COL5A2: variants seen among roughly 807,000 people sequenced by gnomAD.
COL5A2 encodes the protein collagen type V alpha 2 chain, also known as collagen alpha-2(V) chain.
In COL5A2, 23 loss-of-function variants were observed where a neutral mutation model predicts 208.2. The ratio of observed to expected loss-of-function variants is 0.11; its 90% confidence interval spans 0.08 to 0.16. The LOEUF is 0.16. Ranked by LOEUF, COL5A2 falls within the 10% of genes least tolerant of loss-of-function variation. The probability of loss-of-function intolerance (pLI) is 1.00; values close to 1 mark genes in which losing one functional copy is unlikely to be tolerated. For synonymous variants in COL5A2, 625 were observed against 628.5 expected, an observed-to-expected ratio of 0.99 and a Z score of 0.08; for missense variants, 1,590 against 1,956.4, an observed-to-expected ratio of 0.81 and a Z score of 3.53.
At chr2:189,161,098 G>A (rs894177474) in intron 1 of COL5A2, among the ~76,000 whole-genome samples, 2 of 151,028 alleles carry the variant, frequency 1.3e-5, no homozygotes, top group African/African-American at 2.4e-5. Context: ...GGGCTTACAG[G>A]TGTGGGCCAC....
In COL5A2 at chr2:189,050,605, A is replaced by T. The variant is rs1363278258; in HGVS notation, c.3003T>A (p.Arg1001=). 7 of 1,552,042 alleles carry T rather than the reference A, an allele frequency of 4.5e-6. No homozygotes were observed. The highest frequency in any genetic ancestry group is 6.1e-6 in the Non-Finnish European group (7 of 1,147,240). The change falls in exon 43 of 54, where the codon CGT becomes CGA. Residue 1001 remains arginine (R), a synonymous_variant. Transcript: ENST00000374866. ...QRGIVGMPGQ[R]GERGMPGLPG... ...GTAGGCCGGGCATGCCTCTCTCTCC[A>T]CGTTGCCCAGGCATGCCAACAATTC...
the COL5A2 span, among the ~76,000 whole-genome samples, chr2:189,232,320 C>T: frequency 2.4e-4 from 36 of 151,518 alleles, no homozygotes; most frequent in African/African-American, 7.3e-4. Context: ...GTGAAAATAA[C>T]GTAATAGGCC....
intron 5 of COL5A2, 168 bp from the exon 6 acceptor site, chr2:189,097,498 T>C (rs1686944387): frequency 6.8e-6 from 5 of 733,346 alleles, no homozygotes; most frequent in Admixed American, 6.1e-5. Flanking sequence ...TTCTGTACGC[T>C]TAGAAGCGTT....
At chr2:189,279,018 G>T in the COL5A2 span, among the ~76,000 whole-genome samples, 1 of 151,726 alleles carries the variant, frequency 6.6e-6, no homozygotes, top group Admixed American at 6.6e-5. Flanking sequence ...TGTTTAATTT[G>T]CTCTTCCTCT....
At chr2:189,068,316 T>C in intron 19 of COL5A2, 46 bp from the exon 20 acceptor site, 5 of 1,472,994 alleles carry the variant, frequency 3.4e-6, no homozygotes, top group Non-Finnish European at 4.7e-6. Context: ...AAGCAATATA[T>C]AGATACAAAT....
chr2:189,326,092 G>A, the COL5A2 span, among the ~76,000 whole-genome samples: 1 of 66,186 alleles, frequency 1.5e-5, no homozygotes, highest in African/African-American at 4.5e-5. Context: ...GCAAGACCCT[G>A]TCTCAAAAAA....
chr2:189,359,720 T>A, the COL5A2 span, among the ~76,000 whole-genome samples: 1 of 152,150 alleles, frequency 6.6e-6, no homozygotes, highest in Non-Finnish European at 1.5e-5. Flanking sequence ...ATGGGAGACT[T>A]TTTATTACTG....
At chr2:189,113,453 G>T (rs1687322368) in intron 1 of COL5A2, among the ~76,000 whole-genome samples, 1 of 151,542 alleles carries the variant, frequency 6.6e-6, no homozygotes, top group African/African-American at 2.4e-5. Context: ...AAGACAAGAA[G>T]GAAGCATATG....
chr2:189,348,578 T>C, the COL5A2 span, among the ~76,000 whole-genome samples: 1 of 152,186 alleles, frequency 6.6e-6, no homozygotes, highest in Non-Finnish European at 1.5e-5. Flanking sequence ...ATGTGTCATC[T>C]TGAGGAAATT....
At chr2:189,208,443 A>C (rs1244097068) in intron 1 of COL5A2, among the ~76,000 whole-genome samples, 2 of 152,188 alleles carry the variant, frequency 1.3e-5, no homozygotes, top group Non-Finnish European at 2.9e-5. Context: ...AATGAATAGG[A>C]TTTTGTCAAT....
chr2:189,070,524 T>A (rs1428248063), intron 18 of COL5A2, among the ~76,000 whole-genome samples: 1 of 152,138 alleles, frequency 6.6e-6, no homozygotes, highest in Admixed American at 6.6e-5. Flanking sequence ...ATATTTGAGT[T>A]TTATTGAGCA....
At chr2:189,228,253 A>C (rs557780454), upstream of COL5A2, among the ~76,000 whole-genome samples, 2 of 151,894 alleles carry the variant, frequency 1.3e-5, no homozygotes, top group African/African-American at 4.8e-5. Flanking sequence ...GGAAGTAGAA[A>C]TAGAAAAAAA....
At chr2:189,148,816 A>T (rs903336874) in intron 1 of COL5A2, among the ~76,000 whole-genome samples, 1 of 152,202 alleles carries the variant, frequency 6.6e-6, no homozygotes, top group Non-Finnish European at 1.5e-5. Context: ...CATTAAGCTC[A>T]TTTTAATGTT....
the COL5A2 span, among the ~76,000 whole-genome samples, chr2:189,271,299 C>T: frequency 1.3e-5 from 2 of 152,026 alleles, no homozygotes; most frequent in African/African-American, 4.8e-5. Flanking sequence ...GGTACTAGTA[C>T]CAACACAGAT....
chr2:189,433,589 G>C, the COL5A2 span, among the ~76,000 whole-genome samples: 2 of 152,120 alleles, frequency 1.3e-5, no homozygotes, highest in Non-Finnish European at 2.9e-5. Flanking sequence ...TAGAAGAAAT[G>C]GATAAATTCC....
intron 1 of COL5A2, among the ~76,000 whole-genome samples, chr2:189,165,759 G>C (rs1266922194): frequency 3.3e-5 from 5 of 152,172 alleles, no homozygotes. Flanking sequence ...AAATGGAAAA[G>C]AAGTGCTAAC....
intron 44 of COL5A2, 57 bp downstream of exon 44, chr2:189,049,290 A>G (rs1685732849): frequency 1.6e-6 from 2 of 1,225,196 alleles, no homozygotes; most frequent in South Asian, 2.6e-5. Flanking sequence ...AAATGAAAAA[A>G]ATTGTTTCCA....
the COL5A2 span, among the ~76,000 whole-genome samples, chr2:189,402,491 C>T: frequency 6.6e-6 from 1 of 152,336 alleles, no homozygotes; most frequent in South Asian, 2.1e-4. Context: ...GGGGCCAAGA[C>T]ACAGGCATGA....
At chr2:189,391,382 G>T in the COL5A2 span, among the ~76,000 whole-genome samples, 1 of 152,128 alleles carries the variant, frequency 6.6e-6, no homozygotes, top group African/African-American at 2.4e-5. Flanking sequence ...TCGTGGCTAA[G>T]TCTCCTCCGA....
Sources: gnomAD v4.1 joint callset for allele counts (sites outside exome capture counted in the v4.1 genomes callset) on GRCh38, gnomAD v4.1.1 for gene constraint, MANE v1.5 for transcripts, NCBI Gene and HGNC (gene_info 2026-07-23, HGNC 2026-07-21) for gene names.